Variants in CAMK1D observed in about 807,000 individuals in gnomAD.
CAMK1D encodes the protein calcium/calmodulin dependent protein kinase ID.
Under a neutral mutation model 47.7 loss-of-function variants are expected in CAMK1D, and 9 were observed. The observed-to-expected ratio is 0.19, with a 90% CI of 0.11 to 0.33. The LOEUF (loss-of-function observed/expected upper bound fraction) is 0.33, where lower values mean the gene tolerates loss of function less well. Among genes scored for constraint, CAMK1D ranks in the 10% least tolerant of loss-of-function variants. The pLI is 1.00. For synonymous variants in CAMK1D, 184 were observed against 184.9 expected (o/e 0.99, Z 0.04); for missense variants, 291 against 488.7 (o/e 0.60, Z 3.81).
At chr10:12,630,293 C>T (rs1465656972) in intron 2 of CAMK1D, among the ~76,000 whole-genome samples, 2 of 151,904 alleles carry the variant, frequency 1.3e-5, no homozygotes, top group Non-Finnish European at 2.9e-5. Context: ...TTAAATCCCC[C>T]TTCTGCCCAC....
rs952165193 is a variant in CAMK1D, at chr10:12,830,715, C to T, written c.*1828C>T. ...TCCTGCAAGTGCCCCTGCTTCAGCT[C>T]TCAGGCCCATCCAATGCCTCGAGCC... On this transcript the variant is annotated 3_prime_UTR_variant, in exon 11 of 11. Transcript: ENST00000619168. The T allele has an allele frequency of 2.0e-5, 3 of 152,228 alleles. No homozygotes were observed. The highest frequency in any genetic ancestry group is 4.4e-5 in the Non-Finnish European group (3 of 68,060). The allele number at this position is 152,228 out of a possible 1,614,324, so 9.4% of individuals were successfully genotyped here. A position where few individuals can be genotyped will look rare whatever the true frequency, so the allele number is the denominator to read the frequency against.
intron 3 of CAMK1D, among the ~76,000 whole-genome samples, chr10:12,703,659 A>G (rs1004911708): frequency 6.6e-6 from 1 of 152,172 alleles, no homozygotes; most frequent in African/African-American, 2.4e-5. Flanking sequence ...ACCTGAGGTC[A>G]GGAGTTCGAG....
At chr10:12,728,909 G>A (rs1174999270) in intron 3 of CAMK1D, among the ~76,000 whole-genome samples, 1 of 152,190 alleles carries the variant, frequency 6.6e-6, no homozygotes, top group African/African-American at 2.4e-5. Context: ...AGACATTCAA[G>A]TACTGAATAT....
Position 12,435,581 on chromosome 10 carries a change from G to A in CAMK1D, c.92+85671G>A, listed in dbSNP as rs576749238. Reference sequence around the variant, plus strand: ...GCAGCTCTGAGTCAGAAGGTGAGACGTGCTCTGTGCCCAGCAGGTTGGAGG... The same window carrying A: ...GCAGCTCTGAGTCAGAAGGTGAGACATGCTCTGTGCCCAGCAGGTTGGAGG... On this transcript the variant is annotated intron_variant, in intron 1 of 10. Coordinates refer to ENST00000619168, the MANE Select transcript of CAMK1D (RefSeq NM_153498.4). Among the ~76,000 whole-genome samples, 4 of 152,260 alleles carry A rather than the reference G, an allele frequency of 2.6e-5. No homozygotes were observed. In the South Asian group the frequency reaches 6.2e-4, roughly 24 times the overall value.
intron 1 of CAMK1D, among the ~76,000 whole-genome samples, chr10:12,521,177 C>T (rs528994540): frequency 4.6e-4 from 70 of 151,992 alleles, no homozygotes; most frequent in Non-Finnish European, 7.9e-4. Context: ...GTTAAATTTG[C>T]TCTTCTTTTT....
At chr10:12,426,604 A>C (rs147907340) in intron 1 of CAMK1D, among the ~76,000 whole-genome samples, 4 of 152,220 alleles carry the variant, frequency 2.6e-5, no homozygotes, top group Non-Finnish European at 4.4e-5. Flanking sequence ...GCTGGGGTGC[A>C]GTGGTGGGAT....
At chr10:12,772,162 G>A (rs1371646132) in intron 5 of CAMK1D, among the ~76,000 whole-genome samples, 2 of 152,196 alleles carry the variant, frequency 1.3e-5, no homozygotes, top group Middle Eastern at 3.2e-3. Flanking sequence ...ACATGTGCCT[G>A]GGGTGGTGAC....
chr10:12,422,886 T>G (rs1240196873), intron 1 of CAMK1D, among the ~76,000 whole-genome samples: 1 of 152,114 alleles, frequency 6.6e-6, no homozygotes, highest in African/African-American at 2.4e-5. Flanking sequence ...TTGATCAGGC[T>G]GGTTTCGAAC....
intron 1 of CAMK1D, among the ~76,000 whole-genome samples, chr10:12,497,940 C>T (rs758655404): frequency 2.6e-5 from 4 of 152,074 alleles, no homozygotes; most frequent in East Asian, 3.9e-4. Flanking sequence ...ACAGTCATGG[C>T]GGAAGGTGAA....
chr10:12,354,390 G>A (rs893847352), intron 1 of CAMK1D, among the ~76,000 whole-genome samples: 1 of 151,792 alleles, frequency 6.6e-6, no homozygotes, highest in Non-Finnish European at 1.5e-5. Flanking sequence ...GGCAGGTTGG[G>A]GGTGGGGAAC....
chr10:12,612,739 A>G (rs1338028836), intron 2 of CAMK1D, among the ~76,000 whole-genome samples: 2 of 152,220 alleles, frequency 1.3e-5, no homozygotes, highest in Non-Finnish European at 1.5e-5. Flanking sequence ...CATCATCTAT[A>G]TAATGAACAG....
At chr10:12,451,172 C>T (rs1313794623) in intron 1 of CAMK1D, among the ~76,000 whole-genome samples, 1 of 152,180 alleles carries the variant, frequency 6.6e-6, no homozygotes, top group Non-Finnish European at 1.5e-5. Context: ...AGGACTGGGG[C>T]ATGTTTTAAT....
intron 6 of CAMK1D, among the ~76,000 whole-genome samples, chr10:12,805,300 GA>G (rs1031454789): frequency 1.9e-4 from 28 of 151,104 alleles, no homozygotes; most frequent in African/African-American, 6.3e-4. Flanking sequence ...GTCCTTCAGG[GA>G]CTTATTACCA....
Position 12,814,196 on chromosome 10 carries a change from C to A in CAMK1D, c.643C>A (p.Leu215Ile). Residue 215 changes from leucine to isoleucine, a missense_variant and splice_region_variant, in exon 7 of 11, where the codon CTC (leucine) becomes ATC (isoleucine). This residue lies in a region of CAMK1D where 219 missense variants were observed against 424.3 expected (regional missense o/e 0.52). Transcript: ENST00000619168. ...WSIGVIAYIL[L>I]CGYPPFYDEN... is the part of the protein sequence containing the mutation. The stretch of plus-strand genomic sequence containing the variant: ...CTTTTACTCCATTTTGTCTCCTAGG[C>A]TCTGCGGCTACCCTCCTTTTTATGA... 1 of 1,606,382 alleles carries A rather than the reference C, an allele frequency of 6.2e-7. No individual in the cohort carries two copies. The highest frequency in any genetic ancestry group is 8.5e-7 in the Non-Finnish European group (1 of 1,172,992).
chr10:12,606,185 C>G (rs867761997), intron 2 of CAMK1D, among the ~76,000 whole-genome samples: 1 of 131,648 alleles, frequency 7.6e-6, no homozygotes, highest in African/African-American at 3.8e-5. Context: ...GCCGCGGCTG[C>G]TCAGGGACCA....
At position 12,835,191 on chromosome 10, in the gene CAMK1D, T is replaced by G. The variant is rs1251116574; in HGVS notation, c.*6304T>G. Reference sequence around the variant, plus strand: ...TTGGCTTTTGTCACTACACATAATGTAATCTCCCTTCTTTCAGCTCCCCCA... The same window carrying G: ...TTGGCTTTTGTCACTACACATAATGGAATCTCCCTTCTTTCAGCTCCCCCA... On this transcript the variant is annotated 3_prime_UTR_variant, in exon 11 of 11. Transcript: ENST00000619168. 1 of 152,236 alleles carries G rather than the reference T, an allele frequency of 6.6e-6. No individual in the cohort carries two copies. The highest frequency in any genetic ancestry group is 1.5e-5 in the Non-Finnish European group (1 of 68,046). 9.4% of individuals were successfully genotyped at this position (152,236 alleles called of 1,614,324 possible).
intron 2 of CAMK1D, among the ~76,000 whole-genome samples, chr10:12,591,778 C>T (rs1252246356): frequency 6.6e-6 from 1 of 152,224 alleles, no homozygotes; most frequent in Non-Finnish European, 1.5e-5. Context: ...ACTGCAACCT[C>T]CGCCTCCTGG....
intron 3 of CAMK1D, among the ~76,000 whole-genome samples, chr10:12,743,355 A>AAAAAAAAAAAAAAAAAAAAAAG (rs1461631779): frequency 1.6e-4 from 19 of 118,122 alleles, no homozygotes; most frequent in African/African-American, 5.4e-4. Context: ...TCAAAAAAAA[A>AAAAAAAAAAAAAAAAAAAAAAG]AAAAGAAAAA....
chr10:12,528,736 C>CTTTTTTT (rs34250007), intron 1 of CAMK1D, among the ~76,000 whole-genome samples: 1 of 137,910 alleles, frequency 7.3e-6, no homozygotes, highest in African/African-American at 2.7e-5. Context: ...AAATCCTCAT[C>CTTTTTTT]TTTTTTTTTT....
Sources: allele counts gnomAD v4.1 joint callset (sites outside exome capture counted in the v4.1 genomes callset), GRCh38; gene constraint gnomAD v4.1.1; regional missense constraint gnomAD v4.1.1; transcripts MANE v1.5; gene names NCBI Gene and HGNC (gene_info 2026-07-23, HGNC 2026-07-21).